Variants in CHD8 observed in about 807,000 individuals in gnomAD.
CHD8 encodes chromodomain helicase DNA binding protein 8.
A neutral mutation model predicts 279.2 loss-of-function variants in CHD8; 31 were observed. The ratio of observed to expected loss-of-function variants is 0.11; its 90% CI spans 0.08 to 0.15. CHD8 has a LOEUF of 0.15. CHD8 is among the 10% of genes least tolerant of loss of function. CHD8 has a pLI of 1.00. For missense variants in CHD8, 2,146 were observed against 3,230.5 expected (o/e 0.66, Z 8.14); for synonymous variants, 1,081 against 1,139.6 (o/e 0.95, Z 1.04).
Position 21,392,556 on chromosome 14 carries a change from T to C in CHD8, c.6722A>G (p.Lys2241Arg), listed in dbSNP as rs1887594560. The change falls in exon 34 of 38, where the codon AAA becomes AGA. Residue 2241 changes from lysine (K) to arginine (R), a missense_variant. By Grantham distance (26) the Lys-to-Arg change is conservative. Coordinates refer to ENST00000646647, the MANE Select transcript of CHD8 (RefSeq NM_001170629.2). Reference protein sequence around the residue: ...AVSTAAAQFTKLRRGMDEKEF... With the variant: ...AVSTAAAQFTRLRRGMDEKEF... The stretch of plus-strand genomic sequence containing the variant: ...CTTTTCATCCATGCCTCGGCGAAGT[T>C]TGGTGAACTGGGCTGCCGCTGTGCT... 1.9e-6 allele frequency: 3 copies of C among 1,613,314 alleles called. No homozygotes were observed. The highest frequency in any genetic ancestry group is 1.7e-5 in the Admixed American group (1 of 59,998).
chr14:21,454,162 A>AAAAAGAAAAGAAAAGAAAAGAAAAG lies in CHD8; in HGVS notation c.-216+1845_-216+1869dup, dbSNP rs60147341. Among the ~76,000 whole-genome samples, 1,251 of 127,050 alleles carry AAAAAGAAAAGAAAAGAAAAGAAAAG rather than the reference A, an allele frequency of 9.8e-3. 16 individuals carry two copies. The highest frequency in any genetic ancestry group is 0.017 in the East Asian group (73 of 4,234). 83.3% of individuals were successfully genotyped at this position (127,050 alleles called of 152,430 possible). On this transcript the variant is annotated intron_variant, in intron 1 of 37. Coordinates refer to ENST00000646647, the MANE Select transcript of CHD8 (RefSeq NM_001170629.2). ...GACAGAGCAAGACTCCGTCTCAAAA[A>AAAAAGAAAAGAAAAGAAAAGAAAAG]AAAAGAAAAGAAAAGAAAAGAAAAG...
rs1460428289 is a variant in CHD8 at position 21,401,420 on chromosome 14, C to G, written c.4156G>C (p.Asp1386His). The G allele has an allele frequency of 6.3e-7, 1 of 1,594,908 alleles. No homozygotes were observed. The highest frequency in any genetic ancestry group is 8.5e-7 in the Non-Finnish European group (1 of 1,170,142). Residue 1386 changes from aspartate to histidine, a missense_variant, in exon 21 of 38, where the codon GAT (aspartate) becomes CAT (histidine). By Grantham distance (81) the Asp-to-His change is moderately conservative. Around this residue, in one of 26 missense-constraint regions of CHD8, gnomAD observed 74 missense variants for 91.5 expected, o/e 0.81. Transcript: ENST00000646647. ...AAACTCACCTTGCTGTTGAGCAGAT[C>G]CATGTCTAGGTCAGCCTTTTTGGCC... ...KWAKKADLDM[D>H]LLNSKNNLVI...
chr14:21,393,879 T>C lies in CHD8; in HGVS notation c.5916A>G (p.Ala1972=), dbSNP rs768750342. 33 of 1,613,838 alleles carry C rather than the reference T, an allele frequency of 2.0e-5. No homozygotes were observed. The highest frequency in any genetic ancestry group is 2.6e-5 in the Non-Finnish European group (31 of 1,179,854). ...AGCAGCGTGACAAGGATGGAGCTGG[T>C]GCTCCTGCTTGATGGTTCTGCATAT... ...MNYMQNHQAG[A]PAPSLSRCST... is the part of the protein sequence containing the mutation. The change falls in exon 32 of 38, where the codon GCA becomes GCG. Residue 1972 remains alanine, a synonymous_variant. Coordinates refer to ENST00000646647, the MANE Select transcript of CHD8 (RefSeq NM_001170629.2).
In CHD8 at chr14:21,400,975, T is replaced by C; in HGVS notation, c.4270A>G (p.Ser1424Gly). 1.9e-6 allele frequency: 3 copies of C among 1,614,024 alleles called. No homozygotes were observed. The highest frequency in any genetic ancestry group is 2.5e-6 in the Non-Finnish European group (3 of 1,179,876). The change falls in exon 22 of 38, where the codon AGT (serine) becomes GGT (glycine). Residue 1424 changes from serine to glycine, a missense_variant. This residue lies in a region of CHD8 where 74 missense variants were observed against 91.5 expected (regional missense o/e 0.81). Coordinates refer to ENST00000646647, the MANE Select transcript of CHD8 (RefSeq NM_001170629.2). The surrounding 1 kb of genome is among the most constrained non-coding windows in gnomAD (Gnocchi z 4.2). ...DDLVEFSDLE[S>G]EDDERPRSRR... ...GAGCGTGGCCGCTCATCATCCTCACTTTCCAAATCAGAGAATTCCACCAGG... is the reference window on the plus strand; with the variant it reads ...GAGCGTGGCCGCTCATCATCCTCACCTTCCAAATCAGAGAATTCCACCAGG...
Position 21,431,078 on chromosome 14 carries a change from G to C in CHD8, c.566C>G (p.Pro189Arg), listed in dbSNP as rs750969873. 2 of 1,599,304 alleles carry C rather than the reference G, an allele frequency of 1.3e-6. No individual in the cohort carries two copies. Among genetic ancestry groups the C allele is most frequent in the Non-Finnish European group, 8.5e-7 (1 of 1,179,682 alleles). Residue 189 changes from proline (P) to arginine (R), a missense_variant, in exon 2 of 38, where the codon CCC becomes CGC. This residue lies in a region of CHD8 where 302 missense variants were observed against 325.5 expected (regional missense o/e 0.93). Coordinates refer to ENST00000646647, the MANE Select transcript of CHD8 (RefSeq NM_001170629.2). ...QAQGITSTAQ[P>R]LVAGTANGGK... Reference sequence around the variant, plus strand: ...ACCATTGGCTGTGCCTGCCACCAGGGGCTGAGCTGTGCTGGTGATACCTTG... The same window carrying C: ...ACCATTGGCTGTGCCTGCCACCAGGCGCTGAGCTGTGCTGGTGATACCTTG...
chr14:21,411,099 C>T (rs1485968128), intron 10 of CHD8, among the ~76,000 whole-genome samples: 1 of 152,124 alleles, frequency 6.6e-6, no homozygotes, highest in Admixed American at 6.5e-5. Flanking sequence ...ATTTGCAAGA[C>T]ATTCCAAAGG....
intron 2 of CHD8, chr14:21,429,929 G>A: frequency 6.0e-6 from 1 of 166,404 alleles, no homozygotes; most frequent in South Asian, 1.5e-4. Context: ...CAGCTGTCCT[G>A]ATAGAATCTT....
At position 21,431,533 on chromosome 14, in the gene CHD8, A is replaced by G. The variant is rs1226362566; in HGVS notation, c.111T>C (p.Leu37=). The G allele has an allele frequency of 1.6e-5, 24 of 1,537,218 alleles. No individual in the cohort carries two copies. Among genetic ancestry groups the G allele is most frequent in the Non-Finnish European group, 1.8e-5 (21 of 1,146,886 alleles). The change falls in exon 2 of 38, where the codon CTT becomes CTC. Residue 37 remains leucine, a synonymous_variant. Coordinates refer to ENST00000646647, the MANE Select transcript of CHD8 (RefSeq NM_001170629.2). The part of the protein sequence containing the change: ...QVTQDPIEEA[L]GLPSSLDSLD... ...AGGAGTCCAGAGAGCTTGGCAGTCC[A>G]AGGGCTTCCTCAATGGGGTCTTGTG...
intron 1 of CHD8, chr14:21,455,216 G>A (rs887115589): frequency 6.6e-6 from 1 of 152,140 alleles, no homozygotes; most frequent in African/African-American, 2.4e-5. Context: ...GAAAGAGATG[G>A]GTCCACTATA....
intron 1 of CHD8, among the ~76,000 whole-genome samples, chr14:21,452,647 G>GAA (rs1348233856): frequency 1.5e-5 from 2 of 133,070 alleles, no homozygotes; most frequent in African/African-American, 5.4e-5. Context: ...TGTCTCAAAA[G>GAA]AAAAAAAAAA....
chr14:21,392,433 CTA>C, intron 34 of CHD8, 72 bp downstream of exon 34: 1 of 1,377,432 alleles, frequency 7.3e-7, no homozygotes, highest in Non-Finnish European at 1.0e-6. Context: ...GTTTAGTAAC[CTA>C]TTAGTAAAAT....
At chr14:21,451,649 T>C (rs969838007) in intron 1 of CHD8, among the ~76,000 whole-genome samples, 2 of 151,980 alleles carry the variant, frequency 1.3e-5, no homozygotes, top group African/African-American at 4.8e-5. Flanking sequence ...GCTGGAATTT[T>C]TATTATCCTG....
At chr14:21,412,335 G>A (rs745503928) in intron 10 of CHD8, among the ~76,000 whole-genome samples, 4 of 151,920 alleles carry the variant, frequency 2.6e-5, no homozygotes, top group Non-Finnish European at 5.9e-5. Flanking sequence ...TAGTAGAGAC[G>A]GGGTTTCACT....
chr14:21,454,273 CAA>C (rs1326305938), intron 1 of CHD8, among the ~76,000 whole-genome samples: 4 of 152,066 alleles, frequency 2.6e-5, no homozygotes, highest in Non-Finnish European at 5.9e-5. Context: ...ATGGAGAATA[CAA>C]AAACTGTTCA....
At chr14:21,414,890 C>T in intron 8 of CHD8, 48 bp downstream of exon 8, 1 of 1,474,588 alleles carries the variant, frequency 6.8e-7, no homozygotes, top group Non-Finnish European at 9.4e-7. Flanking sequence ...GAACTTTTTA[C>T]CACCCTGTGG....
Position 21,400,756 on chromosome 14 carries a change from A to G in CHD8, c.4370+119T>C, listed in dbSNP as rs895381419. 1.5e-5 allele frequency: 20 copies of G among 1,311,530 alleles called. No homozygotes were observed. The African/African-American group carries it at 2.4e-4, about 16-fold the overall frequency. The allele number at this position is 1,311,530 out of a possible 1,614,324, so 81.2% of individuals were successfully genotyped here. On this transcript the variant is annotated intron_variant, in intron 22 of 37. Coordinates refer to ENST00000646647, the MANE Select transcript of CHD8 (RefSeq NM_001170629.2). This position sits in a 1 kb window ranked among gnomAD's most constrained non-coding sequence, Gnocchi z 4.2. Reference sequence around the variant, plus strand: ...ACAGAACAAACTCCCTCCAAGGCAAATATTTTTTCACATTATCCCTTCTTT... The same window carrying G: ...ACAGAACAAACTCCCTCCAAGGCAAGTATTTTTTCACATTATCCCTTCTTT...
chr14:21,399,923 A>G, intron 25 of CHD8, 58 bp downstream of exon 25: 2 of 1,402,376 alleles, frequency 1.4e-6, no homozygotes, highest in Non-Finnish European at 2.0e-6. Context: ...AAATAAGCAA[A>G]CCAATCTTCC....
rs1178492370 is a variant in CHD8 at position 21,395,116 on chromosome 14, T to C, written c.5186A>G (p.Gln1729Arg). The C allele has an allele frequency of 2.5e-5, 41 of 1,613,278 alleles. No individual in the cohort carries two copies. The highest frequency in any genetic ancestry group is 3.5e-5 in the Non-Finnish European group (41 of 1,179,560). ...EISVIDGDEA[Q>R]VTQQPGHLFW... ...TAAATGGCCTGGCTGTTGGGTCACC[T>C]GGGCTGTGGAAAACAAAGTAGAATG... Residue 1729 changes from glutamine to arginine, a missense_variant, in exon 30 of 38, where the codon CAG becomes CGG. By Grantham distance (43) the Gln-to-Arg change is conservative. Around this residue, in one of 26 missense-constraint regions of CHD8, gnomAD observed 75 missense variants for 81.3 expected, o/e 0.92. Coordinates refer to ENST00000646647, the MANE Select transcript of CHD8 (RefSeq NM_001170629.2).
chr14:21,389,129 G>C (rs1998330), intron 37 of CHD8, among the ~76,000 whole-genome samples: 122,480 of 151,784 alleles, frequency 0.81, 50,811 homozygotes, highest in South Asian at 0.91. Context: ...GTGAAACCCC[G>C]TCTCTACTAA....
Sources: allele counts gnomAD v4.1 joint callset (sites outside exome capture counted in the v4.1 genomes callset), GRCh38; gene constraint gnomAD v4.1.1; regional missense constraint gnomAD v4.1.1; non-coding constraint Gnocchi (gnomAD v3.1); transcripts MANE v1.5; gene names NCBI Gene and HGNC (gene_info 2026-07-23, HGNC 2026-07-21).